The following ANKRD29 variants were observed in gnomAD, a reference collection of about 807,000 sequenced individuals.
ANKRD29 encodes ankyrin repeat domain 29.
Under a neutral mutation model 38.0 loss-of-function variants are expected in ANKRD29, and 32 were observed. The observed-to-expected ratio is 0.84, with a 90% CI of 0.64 to 1.13. ANKRD29 has a LOEUF of 1.13. Among genes scored for constraint, ANKRD29 ranks in the 50% most tolerant of loss-of-function variants. ANKRD29 has a pLI of 0.00. For synonymous variants in ANKRD29, 135 were observed against 152.4 expected, an observed-to-expected ratio of 0.89 and a Z score of 0.84; for missense variants, 357 against 377.9, an observed-to-expected ratio of 0.94 and a Z score of 0.46.
chr18:23,630,374 T>A (rs2059914975), intron 5 of ANKRD29, among the ~76,000 whole-genome samples: 1 of 152,108 alleles, frequency 6.6e-6, no homozygotes, highest in Non-Finnish European at 1.5e-5. Flanking sequence ...TGCAGTGAGC[T>A]GAGATCGCGC....
intron 1 of ANKRD29, among the ~76,000 whole-genome samples, chr18:23,650,527 G>C (rs2060197274): frequency 6.6e-6 from 1 of 152,164 alleles, no homozygotes; most frequent in Non-Finnish European, 1.5e-5. Context: ...TCTTCTAAAT[G>C]GGTGGCAGAG....
In ANKRD29 at chr18:23,637,567, C is replaced by CT. The variant is rs527939444; in HGVS notation, c.330+1281dup. Among the ~76,000 whole-genome samples the CT allele has an allele frequency of 4.0e-3, 592 of 147,918 alleles. 6 individuals carry two copies. Among genetic ancestry groups the CT allele is most frequent in the South Asian group, 0.023 (109 of 4,682 alleles). ...CATGTGCCACCATGCCCAGCGAATC[C>CT]TTTTTTTTTTAATAGAGATGAGGTC... On this transcript the variant is annotated intron_variant, in intron 4 of 9. Transcript: ENST00000592179.
At chr18:23,620,124 C>T (rs2059778488) in intron 6 of ANKRD29, among the ~76,000 whole-genome samples, 1 of 152,102 alleles carries the variant, frequency 6.6e-6, no homozygotes. Flanking sequence ...ACCCTTCATT[C>T]CCATAGAACG....
At chr18:23,634,922 T>C (rs2059983348) in intron 4 of ANKRD29, among the ~76,000 whole-genome samples, 1 of 152,128 alleles carries the variant, frequency 6.6e-6, no homozygotes, top group African/African-American at 2.4e-5. Context: ...GATTAAGGTG[T>C]TTGTATGGGG....
rs1356517055 is a variant in ANKRD29, at chr18:23,619,529, A to G, written c.627+2T>C. The G allele has an allele frequency of 6.9e-6, 11 of 1,588,236 alleles. No homozygotes were observed. Among genetic ancestry groups the G allele is most frequent in the Non-Finnish European group, 9.4e-6 (11 of 1,175,520 alleles). ...CTTTGGCCGCGCGACTCGGGCACTC[A>G]CGTTCCGCGCAGCGTCGCGGTCGGC... On this transcript the variant is annotated splice_donor_variant, in intron 7 of 9. Coordinates refer to ENST00000592179, the MANE Select transcript of ANKRD29 (RefSeq NM_173505.4). LOFTEE classifies it high-confidence loss of function.
chr18:23,604,254 A>C (rs1055537190), intron 9 of ANKRD29, among the ~76,000 whole-genome samples: 2 of 152,164 alleles, frequency 1.3e-5, no homozygotes, highest in African/African-American at 2.4e-5. Flanking sequence ...CTTGCCCATA[A>C]GTCCTGCCCT....
At chr18:23,651,829 C>T (rs2060214318) in intron 1 of ANKRD29, among the ~76,000 whole-genome samples, 1 of 152,186 alleles carries the variant, frequency 6.6e-6, no homozygotes, top group African/African-American at 2.4e-5. Context: ...CATTTTCCTT[C>T]AAGGGCTTAA....
chr18:23,607,503 C>T (rs1220407878), intron 9 of ANKRD29, among the ~76,000 whole-genome samples: 3 of 152,162 alleles, frequency 2.0e-5, no homozygotes, highest in African/African-American at 7.2e-5. Flanking sequence ...CTCTGTCTAC[C>T]AGCCTGCCAG....
At chr18:23,612,895 T>C (rs1224052388) in intron 8 of ANKRD29, among the ~76,000 whole-genome samples, 2 of 151,922 alleles carry the variant, frequency 1.3e-5, no homozygotes, top group African/African-American at 4.8e-5. Flanking sequence ...CTAAGAACAG[T>C]GGGCAGTCAT....
At chr18:23,656,834 T>A (rs1448317585) in intron 1 of ANKRD29, among the ~76,000 whole-genome samples, 1 of 152,230 alleles carries the variant, frequency 6.6e-6, no homozygotes, top group Non-Finnish European at 1.5e-5. Context: ...CAGACTGGCC[T>A]GGGACTCTGC....
intron 9 of ANKRD29, among the ~76,000 whole-genome samples, chr18:23,607,713 G>A (rs948635089): frequency 3.3e-5 from 5 of 152,228 alleles, no homozygotes; most frequent in Admixed American, 3.3e-4. Context: ...AGATTGTACA[G>A]ATTGATGTGA....
intron 4 of ANKRD29, 77 bp from the exon 5 acceptor site, chr18:23,634,226 T>C (rs556974545): frequency 9.1e-6 from 10 of 1,103,858 alleles, no homozygotes; most frequent in African/African-American, 8.0e-5. Flanking sequence ...CTCACATACA[T>C]AGAATTTAGG....
rs924348874 is a variant in ANKRD29 at position 23,600,170 on chromosome 18, A to C, written c.*1056T>G. 4 of 152,632 alleles carry C rather than the reference A, an allele frequency of 2.6e-5. No individual in the cohort carries two copies. Among genetic ancestry groups the C allele is most frequent in the African/African-American group, 9.6e-5 (4 of 41,476 alleles). The allele number at this position is 152,632 out of a possible 1,614,324, so 9.5% of individuals were successfully genotyped here. A position where few individuals can be genotyped will look rare whatever the true frequency, so the allele number is the denominator to read the frequency against. ...TTGATCCCTTTCAAAGGAATAATTC[A>C]ATAAACCTCATATTTCATTCTTGGA... On this transcript the variant is annotated 3_prime_UTR_variant, in exon 10 of 10. Coordinates refer to ENST00000592179, the MANE Select transcript of ANKRD29 (RefSeq NM_173505.4).
Position 23,634,151 on chromosome 18 carries a change from T to C in ANKRD29, c.331-2A>G, listed in dbSNP as rs1281582476. 3.1e-6 allele frequency: 5 copies of C among 1,613,984 alleles called. No individual in the cohort carries two copies. The highest frequency in any genetic ancestry group is 3.3e-4 in the Middle Eastern group (2 of 6,062). Reference sequence around the variant, plus strand: ...AGCCAACAGGGCGGTGCCCCCGTCCTATGGACATGCAAAGTATAAACACAT... The same window carrying C: ...AGCCAACAGGGCGGTGCCCCCGTCCCATGGACATGCAAAGTATAAACACAT... On this transcript the variant is annotated splice_acceptor_variant, in intron 4 of 9. Coordinates refer to ENST00000592179, the MANE Select transcript of ANKRD29 (RefSeq NM_173505.4). LOFTEE classifies it high-confidence loss of function.
At chr18:23,647,851 G>C (rs2060159820) in intron 2 of ANKRD29, 1 of 152,316 alleles carries the variant, frequency 6.6e-6, no homozygotes, top group African/African-American at 2.4e-5. Flanking sequence ...AGCAGCCCGA[G>C]TTCTGGCAAG....
intron 1 of ANKRD29, among the ~76,000 whole-genome samples, chr18:23,656,177 G>T (rs1176084830): frequency 1.3e-5 from 2 of 151,598 alleles, no homozygotes; most frequent in African/African-American, 4.9e-5. Flanking sequence ...AGTTGTTAAA[G>T]GAAGTTTGCT....
intron 1 of ANKRD29, among the ~76,000 whole-genome samples, chr18:23,651,993 T>C (rs1306375033): frequency 6.6e-6 from 1 of 152,164 alleles, no homozygotes; most frequent in African/African-American, 2.4e-5. Flanking sequence ...TTCCAGTGCC[T>C]GGCTGATCTT....
rs909545563 is a variant in ANKRD29 at position 23,599,953 on chromosome 18, C to G, written c.*1273G>C. 7 of 152,136 alleles carry G rather than the reference C, an allele frequency of 4.6e-5. No homozygotes were observed. Among genetic ancestry groups the G allele is most frequent in the Non-Finnish European group, 7.4e-5 (5 of 68,022 alleles). The allele number at this position is 152,136 out of a possible 1,614,324, so 9.4% of individuals were successfully genotyped here. The stretch of plus-strand genomic sequence containing the variant: ...TTACAACATTTTCCTCTAAAAGTGT[C>G]TTTACATAGACACTGACTGAAAACC... On this transcript the variant is annotated 3_prime_UTR_variant, in exon 10 of 10. Coordinates refer to ENST00000592179, the MANE Select transcript of ANKRD29 (RefSeq NM_173505.4).
chr18:23,650,379 A>G (rs1221019867), intron 1 of ANKRD29, among the ~76,000 whole-genome samples: 1 of 151,120 alleles, frequency 6.6e-6, no homozygotes, highest in East Asian at 2.0e-4. Context: ...CCTGGGCTCA[A>G]GCAATCTACC....
Sources: allele counts gnomAD v4.1 joint callset (sites outside exome capture counted in the v4.1 genomes callset), GRCh38; gene constraint gnomAD v4.1.1; transcripts MANE v1.5; gene names NCBI Gene and HGNC (gene_info 2026-07-23, HGNC 2026-07-21).